The following AP1M1 variants were observed in gnomAD, a reference collection of about 807,000 sequenced individuals.
AP1M1 encodes AP-1 complex subunit mu-1.
Under a neutral mutation model 57.1 loss-of-function variants are expected in AP1M1, and 18 were observed. That is an observed-to-expected ratio of 0.32 (90% CI 0.22 to 0.47). The LOEUF is 0.47. AP1M1 is among the 20% of genes least tolerant of loss of function. The pLI, the probability that AP1M1 is intolerant of heterozygous loss-of-function variation, is 1.00. For missense variants in AP1M1, 362 were observed against 593.5 expected (o/e 0.61, Z 4.05); for synonymous variants, 241 against 237.9 (o/e 1.01, Z -0.12).
At chr19:16,221,636 A>T (rs1159602951) in intron 5 of AP1M1, among the ~76,000 whole-genome samples, 1 of 152,248 alleles carries the variant, frequency 6.6e-6, no homozygotes, top group Non-Finnish European at 1.5e-5. Context: ...CACAGAATGT[A>T]CTCATTCCCT....
rs1006564179 is a variant in AP1M1 at position 16,239,888 on chromosome 19, G to A, written c.*5453G>A. 12 of 151,972 alleles carry A rather than the reference G, an allele frequency of 7.9e-5. No individual in the cohort carries two copies. Among genetic ancestry groups the A allele is most frequent in the Admixed American group, 3.3e-4 (5 of 15,234 alleles). The allele number at this position is 151,972 out of a possible 1,614,324, so 9.4% of individuals were successfully genotyped here. A position where few individuals can be genotyped will look rare whatever the true frequency, so the allele number is the denominator to read the frequency against. On this transcript the variant is annotated 3_prime_UTR_variant, in exon 12 of 12. Coordinates refer to ENST00000291439, the MANE Select transcript of AP1M1 (RefSeq NM_032493.4). ...AGAGAGCTGTCTGAGGCAGTTACCCGGGACATAGCACAGCTAATGAGACAT... is the reference window on the plus strand; with the variant it reads ...AGAGAGCTGTCTGAGGCAGTTACCCAGGACATAGCACAGCTAATGAGACAT...
rs1386067992 is a variant in AP1M1, at chr19:16,233,585, C to T, written c.1140C>T (p.Phe380=). ...KEGKPPISVK[F]EIPYFTTSGI... ...GCAAGCCCCCGATCAGTGTCAAGTT[C>T]GAGATCCCTTACTTCACTACCTCCG... Residue 380 remains phenylalanine (F), a synonymous_variant, in exon 10 of 12, where the codon TTC becomes TTT. Transcript: ENST00000291439. 5 of 1,610,956 alleles carry T rather than the reference C, an allele frequency of 3.1e-6. No individual in the cohort carries two copies. In the East Asian group the frequency reaches 1.1e-4, roughly 36 times the overall value.
intron 5 of AP1M1, among the ~76,000 whole-genome samples, chr19:16,221,607 C>T (rs1165285991): frequency 2.0e-5 from 3 of 152,196 alleles, no homozygotes; most frequent in Admixed American, 6.5e-5. Flanking sequence ...AAACAAATAT[C>T]TTGGTTAAAG....
intron 1 of AP1M1, chr19:16,198,422 G>A (rs1303561321): frequency 5.9e-6 from 1 of 169,692 alleles, no homozygotes; most frequent in Admixed American, 6.3e-5. Flanking sequence ...GGGCGTCCAG[G>A]GGCTGCGCGA....
chr19:16,201,636 G>T (rs967216580), intron 1 of AP1M1, among the ~76,000 whole-genome samples: 1 of 152,156 alleles, frequency 6.6e-6, no homozygotes, highest in Non-Finnish European at 1.5e-5. Flanking sequence ...GACTTCAGAT[G>T]ATCCGCCTGC....
rs1568351032 is a variant in AP1M1, at chr19:16,215,207, GGGGGAGA to G, written c.546+6035_546+6041del. ...GGGAGGCTAAGGCGGGGGCGGGGGG[GGGGGAGA>G]GGGGGGAGGGGGGAGGGGAGGGGAT... is the stretch of plus-strand genomic sequence containing the variant. On this transcript the variant is annotated intron_variant, in intron 5 of 11. Coordinates refer to ENST00000291439, the MANE Select transcript of AP1M1 (RefSeq NM_032493.4). Among the ~76,000 whole-genome samples the G allele has an allele frequency of 7.1e-4, 32 of 44,880 alleles. 2 individuals carry two copies. The highest frequency in any genetic ancestry group is 1.4e-3 in the African/African-American group (24 of 17,396). The allele number at this position is 44,880 out of a possible 152,430, so 29.4% of individuals were successfully genotyped here. A position where few individuals can be genotyped will look rare whatever the true frequency, so the allele number is the denominator to read the frequency against.
intron 9 of AP1M1, among the ~76,000 whole-genome samples, chr19:16,230,053 A>T (rs907960598): frequency 1.3e-5 from 2 of 152,204 alleles, no homozygotes; most frequent in African/African-American, 4.8e-5. Flanking sequence ...AGAATACTTC[A>T]TCAAATAAAC....
Position 16,242,854 on chromosome 19 carries a change from A to G in AP1M1, c.*8419A>G, listed in dbSNP as rs2091650255. ...CTGCAACCTCCGCCTCCCGGGTTCA[A>G]GTGATTCTCCTGCCTCAGTCTCCTC... On this transcript the variant is annotated 3_prime_UTR_variant, in exon 12 of 12. Transcript: ENST00000291439. 1 of 152,150 alleles carries G rather than the reference A, an allele frequency of 6.6e-6. No individual in the cohort carries two copies. Among genetic ancestry groups the G allele is most frequent in the Non-Finnish European group, 1.5e-5 (1 of 68,036 alleles). The allele number at this position is 152,150 out of a possible 1,614,324, so 9.4% of individuals were successfully genotyped here. A position where few individuals can be genotyped will look rare whatever the true frequency, so the allele number is the denominator to read the frequency against.
intron 10 of AP1M1, 41 bp from the exon 11 acceptor site, chr19:16,234,158 G>A (rs201926259): frequency 7.8e-5 from 124 of 1,584,176 alleles, no homozygotes; most frequent in Middle Eastern, 1.9e-4. Flanking sequence ...CCAACAGGGC[G>A]GGAGCCTGCG....
chr19:16,228,805 C>G lies in AP1M1; in HGVS notation c.924C>G (p.Asn308Lys). 6.2e-7 allele frequency: 1 copy of G among 1,614,148 alleles called. No individual in the cohort carries two copies. The highest frequency in any genetic ancestry group is 8.5e-7 in the Non-Finnish European group (1 of 1,180,024). The change falls in exon 9 of 12, where the codon AAC becomes AAG. Residue 308 changes from asparagine (N) to lysine (K), a missense_variant. Physicochemically the swap from Asn to Lys is moderately conservative, Grantham distance 94. Transcript: ENST00000291439. This position sits in a 1 kb window ranked among gnomAD's most constrained non-coding sequence, Gnocchi z 5.0. Reference protein sequence around the residue: ...KSQFKRRSTANNVEIHIPVPN... With the variant: ...KSQFKRRSTAKNVEIHIPVPN... ...AGTTCAAGCGGCGGTCAACAGCCAA[C>G]AACGTGGAGATCCACATTCCCGTGC...
intron 5 of AP1M1, among the ~76,000 whole-genome samples, chr19:16,222,372 TAATTTTTAAAAAAA>T (rs1248201164): frequency 1.3e-5 from 2 of 151,736 alleles, no homozygotes; most frequent in Non-Finnish European, 2.9e-5. Flanking sequence ...CAAGCCTGGC[TAATTTTTAAAAAAA>T]AATTTTTGTA....
chr19:16,231,306 A>AC (rs1331329135), intron 9 of AP1M1, among the ~76,000 whole-genome samples: 3 of 26,032 alleles, frequency 1.2e-4, no homozygotes, highest in Non-Finnish European at 1.8e-4. Context: ...AAAAAAAAAA[A>AC]AAAACACAGA....
At chr19:16,215,463 CAAAAAAAAAAAAAAA>C (rs59357311) in intron 5 of AP1M1, among the ~76,000 whole-genome samples, 6 of 30,970 alleles carry the variant, frequency 1.9e-4, no homozygotes, top group East Asian at 1.0e-3. Flanking sequence ...GATTCCATCT[CAAAAAAAAAAAAAAA>C]AAAAAAAAAA....
Position 16,236,548 on chromosome 19 carries a change from A to G in AP1M1, c.*2113A>G, listed in dbSNP as rs926790006. ...AAGATGGTGAAATGCAGTGGAGATG[A>G]CTCCTGCGTGAAGCTGGGATCCTCG... On this transcript the variant is annotated 3_prime_UTR_variant, in exon 12 of 12. Transcript: ENST00000291439. The G allele has an allele frequency of 1.3e-5, 2 of 152,040 alleles. No individual in the cohort carries two copies. Among genetic ancestry groups the G allele is most frequent in the African/African-American group, 4.8e-5 (2 of 41,384 alleles). The allele number at this position is 152,040 out of a possible 1,614,324, so 9.4% of individuals were successfully genotyped here.
At chr19:16,226,625 G>A (rs1278638108) in intron 6 of AP1M1, 78 bp downstream of exon 6, 3 of 1,477,694 alleles carry the variant, frequency 2.0e-6, no homozygotes, top group Non-Finnish European at 2.7e-6. Context: ...GGCAGGGTTG[G>A]GCCAGGCGGA....
intron 9 of AP1M1, 73 bp downstream of exon 9, chr19:16,229,001 C>T (rs2091584129): frequency 3.9e-6 from 6 of 1,539,346 alleles, no homozygotes; most frequent in Non-Finnish European, 5.3e-6. Context: ...GCCTCAGGAC[C>T]CCCTGCACCT....
At position 16,208,945 on chromosome 19, in the gene AP1M1, C is replaced by T. The variant is rs1049837088; in HGVS notation, c.399-85C>T. 6 of 1,524,194 alleles carry T rather than the reference C, an allele frequency of 3.9e-6. No individual in the cohort carries two copies. The African/African-American group carries it at 5.5e-5, about 14-fold the overall frequency. The allele number at this position is 1,524,194 out of a possible 1,614,324, so 94.4% of individuals were successfully genotyped here. ...GTCAGAACCTGCCCTGTACCCCCCA[C>T]CCAACCCTGCCGAAATGTCAAGGCC... On this transcript the variant is annotated intron_variant, in intron 4 of 11. Transcript: ENST00000291439.
Position 16,227,838 on chromosome 19 carries a change from G to T in AP1M1, c.816+148G>T, listed in dbSNP as rs1288440306. 14 of 1,107,250 alleles carry T rather than the reference G, an allele frequency of 1.3e-5. No individual in the cohort carries two copies. In the Admixed American group the frequency reaches 3.0e-4, roughly 24 times the overall value. 68.6% of individuals were successfully genotyped at this position (1,107,250 alleles called of 1,614,324 possible). A position where few individuals can be genotyped will look rare whatever the true frequency, so the allele number is the denominator to read the frequency against. The stretch of plus-strand genomic sequence containing the variant: ...TGCAGAGATGGAGTCTGAGGACTTG[G>T]GACTCCGAGCTTTCTGAGGGGCACA... On this transcript the variant is annotated intron_variant, in intron 7 of 11. Coordinates refer to ENST00000291439, the MANE Select transcript of AP1M1 (RefSeq NM_032493.4). This position sits in a 1 kb window ranked among gnomAD's most constrained non-coding sequence, Gnocchi z 6.2.
At chr19:16,218,067 A>G (rs1289614787) in intron 5 of AP1M1, among the ~76,000 whole-genome samples, 1 of 152,188 alleles carries the variant, frequency 6.6e-6, no homozygotes, top group African/African-American at 2.4e-5. Flanking sequence ...ACATTCTAGA[A>G]ATTTCTTTAT....
Sources: gnomAD v4.1 joint callset for allele counts (sites outside exome capture counted in the v4.1 genomes callset) on GRCh38, gnomAD v4.1.1 for gene constraint, Gnocchi (gnomAD v3.1) non-coding constraint, MANE v1.5 for transcripts, NCBI Gene and HGNC (gene_info 2026-07-23, HGNC 2026-07-21) for gene names.